Variants in PGR observed in about 807,000 individuals in gnomAD.
PGR encodes progesterone receptor.
PGR carries 25 observed loss-of-function variants against 76.1 expected under a neutral mutation model. That is an observed-to-expected ratio of 0.33 (90% CI 0.24 to 0.46). The LOEUF (loss-of-function observed/expected upper bound fraction) is 0.46. Among genes scored for constraint, PGR ranks in the 20% least tolerant of loss-of-function variants. The pLI, the probability that PGR is intolerant of heterozygous loss-of-function variation, is 1.00. For missense variants in PGR, 1,172 were observed against 1,225.3 expected (o/e 0.96, Z 0.65); for synonymous variants, 579 against 535.0 (o/e 1.08, Z -1.14).
At chr11:101,066,283 A>C (rs1281546413) in intron 3 of PGR, among the ~76,000 whole-genome samples, 2 of 152,128 alleles carry the variant, frequency 1.3e-5, no homozygotes, top group Admixed American at 1.3e-4. Context: ...CCTGGTCTTA[A>C]CCCGGGTAAG....
At chr11:101,109,158 C>T (rs2135483816) in intron 2 of PGR, among the ~76,000 whole-genome samples, 1 of 152,282 alleles carries the variant, frequency 6.6e-6, no homozygotes, top group African/African-American at 2.4e-5. Flanking sequence ...TTCCTATTCC[C>T]TGTGTCACAA....
intron 4 of PGR, among the ~76,000 whole-genome samples, chr11:101,056,273 A>T (rs558546900): frequency 7.4e-4 from 113 of 151,990 alleles, no homozygotes; most frequent in African/African-American, 2.5e-3. Context: ...ACTTGACCTG[A>T]TAATTTCTGA....
intron 2 of PGR, among the ~76,000 whole-genome samples, chr11:101,095,802 C>T (rs908592276): frequency 6.6e-6 from 1 of 152,202 alleles, no homozygotes; most frequent in Admixed American, 6.5e-5. Context: ...GATTATCACA[C>T]ATCTAAATCT....
chr11:101,081,297 C>T (rs1272129676), intron 3 of PGR, among the ~76,000 whole-genome samples: 1 of 151,994 alleles, frequency 6.6e-6, no homozygotes, highest in African/African-American at 2.4e-5. Context: ...GACACGGTGG[C>T]AGGCACCTGT....
intron 3 of PGR, among the ~76,000 whole-genome samples, chr11:101,067,505 T>C (rs552788492): frequency 6.6e-6 from 1 of 152,026 alleles, no homozygotes; most frequent in Non-Finnish European, 1.5e-5. Flanking sequence ...AGAGCTGCCA[T>C]GGAGTGTAAA....
chr11:101,114,629 C>G (rs1158548604), intron 2 of PGR, among the ~76,000 whole-genome samples: 1 of 152,056 alleles, frequency 6.6e-6, no homozygotes, highest in African/African-American at 2.4e-5. Flanking sequence ...CTTTCAACAT[C>G]ACTCCTTTAC....
chr11:101,041,938 T>G lies in PGR; in HGVS notation c.2646+7A>C, dbSNP rs534173187. Reference sequence around the variant, plus strand: ...CATTGATATTCTGGAATCAACCAAATACTTACATCATGCAAGTTATCAAGA... The same window carrying G: ...CATTGATATTCTGGAATCAACCAAAGACTTACATCATGCAAGTTATCAAGA... On this transcript the variant is annotated splice_region_variant and intron_variant, in intron 7 of 7. Coordinates refer to ENST00000325455, the MANE Select transcript of PGR (RefSeq NM_000926.4). 1.9e-6 allele frequency: 3 copies of G among 1,607,166 alleles called. No homozygotes were observed. In the African/African-American group the frequency reaches 4.0e-5, roughly 21 times the overall value.
At chr11:101,092,283 G>C (rs1242193520) in intron 2 of PGR, among the ~76,000 whole-genome samples, 1 of 152,062 alleles carries the variant, frequency 6.6e-6, no homozygotes. Flanking sequence ...CAAGAAAACA[G>C]ATACAGACTA....
At chr11:101,040,505 G>T (rs1859661313) in intron 7 of PGR, among the ~76,000 whole-genome samples, 1 of 152,028 alleles carries the variant, frequency 6.6e-6, no homozygotes, top group Non-Finnish European at 1.5e-5. Flanking sequence ...CATTGTACTT[G>T]TTTGATGGTT....
Position 101,031,213 on chromosome 11 carries a change from C to T in PGR, c.*7903G>A, listed in dbSNP as rs1371701239. ...GTCCCAGCACTCTGCAGTGCTGAAGCTGAAAGAATAGATAAATTCACAAGC... is the reference window on the plus strand; with the variant it reads ...GTCCCAGCACTCTGCAGTGCTGAAGTTGAAAGAATAGATAAATTCACAAGC... On this transcript the variant is annotated 3_prime_UTR_variant, in exon 8 of 8. Transcript: ENST00000325455. 4.6e-6 allele frequency: 1 copy of T among 219,258 alleles called. No homozygotes were observed. The highest frequency in any genetic ancestry group is 9.2e-6 in the Non-Finnish European group (1 of 109,256). The allele number at this position is 219,258 out of a possible 1,614,324, so 13.6% of individuals were successfully genotyped here.
At chr11:101,105,637 A>C (rs2135478172) in intron 2 of PGR, among the ~76,000 whole-genome samples, 1 of 152,252 alleles carries the variant, frequency 6.6e-6, no homozygotes, top group East Asian at 1.9e-4. Flanking sequence ...AATGTAGTGA[A>C]AATGGCCATA....
chr11:101,129,073 C>A lies in PGR; in HGVS notation c.-3G>T. ...CCCTTTGCCTTCAGCTCAGTCATGA[C>A]GACTGGACTCCCCTTTTCTCCTCCC... On this transcript the variant is annotated 5_prime_UTR_variant, in exon 1 of 8. Transcript: ENST00000325455. The A allele has an allele frequency of 6.5e-7, 1 of 1,529,634 alleles. No homozygotes were observed. Among genetic ancestry groups the A allele is most frequent in the African/African-American group, 1.4e-5 (1 of 72,282 alleles). The allele number at this position is 1,529,634 out of a possible 1,614,324, so 94.8% of individuals were successfully genotyped here. A position where few individuals can be genotyped will look rare whatever the true frequency, so the allele number is the denominator to read the frequency against.
chr11:101,067,535 A>T (rs1488865808), intron 3 of PGR, among the ~76,000 whole-genome samples: 1 of 152,136 alleles, frequency 6.6e-6, no homozygotes, highest in African/African-American at 2.4e-5. Context: ...CTTTAAAAAC[A>T]ATCTAGCATT....
intron 2 of PGR, among the ~76,000 whole-genome samples, chr11:101,102,847 T>C (rs1591416314): frequency 1.7e-4 from 1 of 5,796 alleles, no homozygotes; most frequent in Admixed American, 2.5e-3. Flanking sequence ...TTCCACGGAC[T>C]GGGGGCAGTG....
rs993299612 is a variant in PGR at position 101,127,420 on chromosome 11, T to G, written c.1637+14A>C. The G allele has an allele frequency of 6.5e-7, 1 of 1,529,738 alleles. No individual in the cohort carries two copies. The highest frequency in any genetic ancestry group is 8.8e-7 in the Non-Finnish European group (1 of 1,138,210). The allele number at this position is 1,529,738 out of a possible 1,614,324, so 94.8% of individuals were successfully genotyped here. A position where few individuals can be genotyped will look rare whatever the true frequency, so the allele number is the denominator to read the frequency against. ...TCCCGGACGCGCTGGGCGTGCCCCG[T>G]CCCGGGCCCTCACCTCAGGTAGTTG... On this transcript the variant is annotated intron_variant, in intron 1 of 7. Transcript: ENST00000325455.
intron 2 of PGR, among the ~76,000 whole-genome samples, chr11:101,105,918 CA>C (rs1190726989): frequency 1.3e-5 from 2 of 152,044 alleles, no homozygotes; most frequent in African/African-American, 4.8e-5. Context: ...TCAGAAATAA[CA>C]CCACACATAT....
chr11:101,071,569 A>T (rs1860937908), intron 3 of PGR, among the ~76,000 whole-genome samples: 1 of 152,060 alleles, frequency 6.6e-6, no homozygotes, highest in Non-Finnish European at 1.5e-5. Flanking sequence ...CAAGGAAGCT[A>T]AGAACCTTGA....
At chr11:101,111,346 G>C (rs1402252820) in intron 2 of PGR, among the ~76,000 whole-genome samples, 2 of 152,146 alleles carry the variant, frequency 1.3e-5, no homozygotes, top group Non-Finnish European at 2.9e-5. Context: ...ATGAAAAGTA[G>C]TGTTTTCTCA....
chr11:101,105,495 C>CTT (rs377349747), intron 2 of PGR, among the ~76,000 whole-genome samples: 14,436 of 136,500 alleles, frequency 0.11, 1,016 homozygotes, highest in Non-Finnish European at 0.15. Context: ...TAGCATATTC[C>CTT]TTTTTTTTTT....
Sources: allele counts gnomAD v4.1 joint callset (sites outside exome capture counted in the v4.1 genomes callset), GRCh38; gene constraint gnomAD v4.1.1; transcripts MANE v1.5; gene names NCBI Gene and HGNC (gene_info 2026-07-23, HGNC 2026-07-21).